MESP1: variants seen among roughly 807,000 people sequenced by gnomAD.
MESP1 encodes mesoderm posterior bHLH transcription factor 1.
In MESP1, 22 loss-of-function variants were observed where a neutral mutation model predicts 15.2. That is an observed-to-expected ratio of 1.45 (90% CI 1.04 to 2.07). The LOEUF is 2.07. Among genes scored for constraint, MESP1 ranks in the 30% most tolerant of loss-of-function variants. The probability of loss-of-function intolerance (pLI) is 0.00; values close to 1 mark genes in which losing one functional copy is unlikely to be tolerated. For missense variants in MESP1, 484 were observed against 411.9 expected, an observed-to-expected ratio of 1.17 and a Z score of -1.51; for synonymous variants, 216 against 192.6, an observed-to-expected ratio of 1.12 and a Z score of -1.01.
the MESP1 span, among the ~76,000 whole-genome samples, chr15:89,736,154 A>G: frequency 6.6e-6 from 1 of 152,212 alleles, no homozygotes; most frequent in Non-Finnish European, 1.5e-5. Context: ...TAGAGCAGGG[A>G]TGGAGAGTTG....
chr15:89,742,031 A>G, the MESP1 span, among the ~76,000 whole-genome samples: 97,963 of 151,952 alleles, frequency 0.64, 33,505 homozygotes, highest in African/African-American at 0.84. Context: ...GATTACAGGC[A>G]TGAGCCATCA....
chr15:89,748,202 T>G (rs994612003), downstream of MESP1, among the ~76,000 whole-genome samples: 1 of 152,130 alleles, frequency 6.6e-6, no homozygotes, highest in Non-Finnish European at 1.5e-5. Context: ...AAATAGATCT[T>G]CTAAGCTGTG....
downstream of MESP1, among the ~76,000 whole-genome samples, chr15:89,747,050 G>GCA (rs142029540): frequency 2.6e-4 from 27 of 105,548 alleles, no homozygotes; most frequent in South Asian, 1.0e-3. Flanking sequence ...ACATGCGCAT[G>GCA]CACACACACA....
downstream of MESP1, among the ~76,000 whole-genome samples, chr15:89,748,454 C>T (rs1193994676): frequency 5.9e-5 from 9 of 152,330 alleles, no homozygotes; most frequent in South Asian, 8.3e-4. Context: ...CCTCCTGGCC[C>T]GGGCCGGAGT....
the MESP1 span, among the ~76,000 whole-genome samples, chr15:89,736,999 G>C: frequency 2.0e-5 from 3 of 151,874 alleles, no homozygotes; most frequent in East Asian, 1.9e-4. Flanking sequence ...CACCGTGTTA[G>C]CCAGGATGGT....
intron 1 of MESP1, 44 bp downstream of exon 1, chr15:89,750,465 C>T (rs761744621): frequency 5.5e-6 from 8 of 1,463,454 alleles, no homozygotes; most frequent in Non-Finnish European, 7.2e-6. Context: ...TGGGGCTGTG[C>T]GCGGGGGCAC....
At chr15:89,744,033 C>A in the MESP1 span, among the ~76,000 whole-genome samples, 1 of 152,328 alleles carries the variant, frequency 6.6e-6, no homozygotes, top group East Asian at 1.9e-4. Flanking sequence ...TCTCTAGAAA[C>A]TGTCCTCCCC....
At chr15:89,745,775 G>A (rs1255729635), downstream of MESP1, among the ~76,000 whole-genome samples, 2 of 151,320 alleles carry the variant, frequency 1.3e-5, no homozygotes, top group Admixed American at 1.3e-4. This position sits in a 1 kb window ranked among gnomAD's most constrained non-coding sequence, Gnocchi z 4.8. Flanking sequence ...AAAAAAAAAA[G>A]AACCTTATGT....
the MESP1 span, among the ~76,000 whole-genome samples, chr15:89,742,724 G>C: frequency 1.4e-4 from 22 of 152,082 alleles, no homozygotes; most frequent in African/African-American, 4.8e-4. Flanking sequence ...GTAGAGACGG[G>C]GTTTCTCCAG....
the MESP1 span, chr15:89,733,288 A>T: frequency 6.9e-7 from 1 of 1,450,854 alleles, no homozygotes. Context: ...TTGATAGTAA[A>T]ATCTGACAGC....
At chr15:89,733,241 C>G in the MESP1 span, 13 of 1,602,730 alleles carry the variant, frequency 8.1e-6, no homozygotes, top group South Asian at 8.9e-5. Flanking sequence ...GAGGGTGGGA[C>G]GGGGTAAATA....
At chr15:89,743,450 C>G in the MESP1 span, 273 of 1,538,058 alleles carry the variant, frequency 1.8e-4, 1 homozygote, top group African/African-American at 3.5e-3. Flanking sequence ...CAGCTGCTCC[C>G]AGGACACTGA....
At chr15:89,744,425 C>G in the MESP1 span, among the ~76,000 whole-genome samples, 2 of 152,220 alleles carry the variant, frequency 1.3e-5, no homozygotes, top group Admixed American at 6.5e-5. Context: ...CTCTACACAG[C>G]AGGTGCTCTG....
At chr15:89,744,391 A>C in the MESP1 span, among the ~76,000 whole-genome samples, 1 of 152,190 alleles carries the variant, frequency 6.6e-6, no homozygotes, top group African/African-American at 2.4e-5. Context: ...TATAGCCGCC[A>C]ACATACCTGT....
the MESP1 span, chr15:89,743,722 T>C: frequency 6.9e-3 from 2,033 of 295,576 alleles, 42 homozygotes; most frequent in African/African-American, 0.041. Flanking sequence ...TCAACCAGAG[T>C]CCTCGGCCTG....
In MESP1 at chr15:89,750,925, G is replaced by C; in HGVS notation, c.307C>G (p.His103Asp). Reference sequence around the variant, plus strand: ...GGCGGTAGAAAGCGGCGCAGCTCGTGCAGGGCGCGGGCCAGCGTGCGCATG... The same window carrying C: ...GGCGGTAGAAAGCGGCGCAGCTCGTCCAGGGCGCGGGCCAGCGTGCGCATG... The part of the protein sequence containing the change: ...LRMRTLARAL[H>D]ELRRFLPPSV... The change falls in exon 1 of 2, where the codon CAC (histidine) becomes GAC (aspartate). Residue 103 changes from histidine to aspartate, a missense_variant. Coordinates refer to ENST00000300057, the MANE Select transcript of MESP1 (RefSeq NM_018670.4). 1 of 1,471,622 alleles carries C rather than the reference G, an allele frequency of 6.8e-7. No individual in the cohort carries two copies. The highest frequency in any genetic ancestry group is 9.0e-7 in the Non-Finnish European group (1 of 1,115,236). 91.2% of individuals were successfully genotyped at this position (1,471,622 alleles called of 1,614,324 possible).
At position 89,751,181 on chromosome 15, in the gene MESP1, C is replaced by A. The variant is rs777849200; in HGVS notation, c.51G>T (p.Ala17=). 1.1e-5 allele frequency: 14 copies of A among 1,269,830 alleles called. No individual in the cohort carries two copies. Among genetic ancestry groups the A allele is most frequent in the Non-Finnish European group, 1.4e-5 (14 of 1,010,058 alleles). 78.7% of individuals were successfully genotyped at this position (1,269,830 alleles called of 1,614,324 possible). A position where few individuals can be genotyped will look rare whatever the true frequency, so the allele number is the denominator to read the frequency against. The change falls in exon 1 of 2, where the codon GCG becomes GCT. Residue 17 remains alanine (A), a synonymous_variant. Transcript: ENST00000300057. ...GCGGCCGCCGAGTTGGGCCCCAGGC[C>A]GCAGAGAGCATCCAGGACTCGGAGA... ...PPLSESWMLS[A]AWGPTRRPPP...
the MESP1 span, chr15:89,738,101 A>C: frequency 8.4e-5 from 136 of 1,614,046 alleles, no homozygotes; most frequent in South Asian, 8.6e-4. Context: ...TCTGTTTTCT[A>C]TTTTAATTTT....
Position 89,750,048 on chromosome 15 carries a change from C to T in MESP1, c.*96G>A. 8.0e-7 allele frequency: 1 copy of T among 1,243,878 alleles called. No homozygotes were observed. The highest frequency in any genetic ancestry group is 1.2e-5 in the South Asian group (1 of 82,812). The allele number at this position is 1,243,878 out of a possible 1,614,324, so 77.1% of individuals were successfully genotyped here. A position where few individuals can be genotyped will look rare whatever the true frequency, so the allele number is the denominator to read the frequency against. On this transcript the variant is annotated 3_prime_UTR_variant, in exon 2 of 2. Transcript: ENST00000300057. Reference sequence around the variant, plus strand: ...ATGCCCCCGTCGGGATCGCCCGTGCCCTCTTCCAGGAAAGGCAGTCTGCCA... The same window carrying T: ...ATGCCCCCGTCGGGATCGCCCGTGCTCTCTTCCAGGAAAGGCAGTCTGCCA...
Sources: gnomAD v4.1 joint callset for allele counts (sites outside exome capture counted in the v4.1 genomes callset) on GRCh38, gnomAD v4.1.1 for gene constraint, Gnocchi (gnomAD v3.1) non-coding constraint, MANE v1.5 for transcripts, NCBI Gene and HGNC (gene_info 2026-07-23, HGNC 2026-07-21) for gene names.